PTPRE: variants seen among roughly 807,000 people sequenced by gnomAD.
The protein encoded by PTPRE is protein tyrosine phosphatase receptor type E, also known as receptor-type tyrosine-protein phosphatase epsilon.
PTPRE carries 51 observed loss-of-function variants against 102.0 expected under a neutral mutation model. The observed-to-expected ratio is 0.50, with a 90% CI of 0.40 to 0.63. The LOEUF is 0.63. Ranked by LOEUF, PTPRE falls within the 30% of genes least tolerant of loss-of-function variation. The pLI is 0.00. For missense variants in PTPRE, 752 were observed against 915.1 expected, an observed-to-expected ratio of 0.82 and a Z score of 2.30; for synonymous variants, 345 against 348.2, an observed-to-expected ratio of 0.99 and a Z score of 0.10.
At position 128,082,916 on chromosome 10, in the gene PTPRE, C is replaced by A. The variant is rs776780230; in HGVS notation, c.*10C>A. 2 of 1,536,524 alleles carry A rather than the reference C, an allele frequency of 1.3e-6. No homozygotes were observed. The highest frequency in any genetic ancestry group is 1.3e-5 in the South Asian group (1 of 76,456). Reference sequence around the variant, plus strand: ...TGCTAATTTCAAATGAAGATTCCTGCCTTAAAATATTTTTTAATTTAATGG... The same window carrying A: ...TGCTAATTTCAAATGAAGATTCCTGACTTAAAATATTTTTTAATTTAATGG... On this transcript the variant is annotated 3_prime_UTR_variant, in exon 21 of 21. Transcript: ENST00000254667.
In PTPRE at chr10:127,927,030, T is replaced by C. The variant is rs372397499; in HGVS notation, c.-31+19721T>C. Among the ~76,000 whole-genome samples, 62 of 152,036 alleles carry C rather than the reference T, an allele frequency of 4.1e-4. No individual in the cohort carries two copies. The South Asian group carries it at 9.6e-3, about 23-fold the overall frequency. ...TTTCACTGTGTTGGCCAGGCCAGTC[T>C]CGAACTCCTGACCTCATGATCTGCC... On this transcript the variant is annotated intron_variant, in intron 1 of 20. Transcript: ENST00000254667.
chr10:127,969,237 C>T (rs372873852), intron 1 of PTPRE, among the ~76,000 whole-genome samples: 52 of 152,262 alleles, frequency 3.4e-4, no homozygotes, highest in African/African-American at 9.6e-4. Flanking sequence ...ATGATAAGAA[C>T]GTAAATGGAA....
chr10:128,076,575 G>T (rs1800240495), intron 17 of PTPRE, 28 bp from the exon 18 acceptor site: 1 of 1,548,084 alleles, frequency 6.5e-7, no homozygotes, highest in African/African-American at 1.4e-5. Flanking sequence ...TTTATTACAA[G>T]ACTTAAATTT....
At chr10:128,039,152 G>T (rs1847463120) in intron 2 of PTPRE, among the ~76,000 whole-genome samples, 1 of 152,210 alleles carries the variant, frequency 6.6e-6, no homozygotes, top group South Asian at 2.1e-4. Context: ...TATATTAAAA[G>T]TATTGTGGCA....
intron 2 of PTPRE, among the ~76,000 whole-genome samples, chr10:127,986,088 C>G (rs1463383495): frequency 1.3e-5 from 2 of 152,072 alleles, no homozygotes; most frequent in Non-Finnish European, 2.9e-5. Flanking sequence ...AAGACTCTGT[C>G]TCAAAAATTA....
intron 1 of PTPRE, among the ~76,000 whole-genome samples, chr10:127,948,311 C>T (rs1848770836): frequency 6.6e-6 from 1 of 152,006 alleles, no homozygotes; most frequent in Admixed American, 6.6e-5. Flanking sequence ...TCCCATATGC[C>T]CCTTAACCCT....
intron 2 of PTPRE, among the ~76,000 whole-genome samples, chr10:128,029,989 A>C (rs1471250378): frequency 1.3e-5 from 2 of 152,228 alleles, no homozygotes; most frequent in East Asian, 3.9e-4. Flanking sequence ...TCACAGGAGG[A>C]TGAAAAACCT....
At chr10:128,044,037 A>G (rs1847910199) in intron 3 of PTPRE, among the ~76,000 whole-genome samples, 1 of 152,232 alleles carries the variant, frequency 6.6e-6, no homozygotes. Flanking sequence ...GAAGCTGTAG[A>G]TGAAACGAGA....
At chr10:128,061,123 T>C in intron 8 of PTPRE, 108 bp downstream of exon 8, 1 of 1,104,514 alleles carries the variant, frequency 9.1e-7, no homozygotes, top group Non-Finnish European at 1.3e-6. Flanking sequence ...TTCTGGGCAG[T>C]TTGGCCACAA....
chr10:128,042,339 T>A (rs1847772047), intron 3 of PTPRE, among the ~76,000 whole-genome samples: 2 of 152,178 alleles, frequency 1.3e-5, no homozygotes, highest in Non-Finnish European at 2.9e-5. Flanking sequence ...ACCGGCAGGA[T>A]GACGTCCACT....
At chr10:127,969,634 C>T (rs1465262268) in intron 1 of PTPRE, among the ~76,000 whole-genome samples, 1 of 147,610 alleles carries the variant, frequency 6.8e-6, no homozygotes, top group Non-Finnish European at 1.5e-5. Flanking sequence ...GGCCACTGCA[C>T]TCCACCCTGG....
At chr10:127,987,496 A>C in intron 2 of PTPRE, 1 of 500,722 alleles carries the variant, frequency 2.0e-6, no homozygotes, top group Non-Finnish European at 3.1e-6. Context: ...GCTAAAGAAT[A>C]TTACCAGGAA....
At chr10:128,071,096 A>T in intron 15 of PTPRE, 195 bp downstream of exon 15, 1 of 608,242 alleles carries the variant, frequency 1.6e-6, no homozygotes, top group Non-Finnish European at 2.9e-6. Flanking sequence ...GCACCAGCTG[A>T]CCCAGACAGT....
At chr10:128,080,395 G>A (rs1052400849) in intron 20 of PTPRE, among the ~76,000 whole-genome samples, 9 of 152,236 alleles carry the variant, frequency 5.9e-5, no homozygotes, top group Non-Finnish European at 1.2e-4. Context: ...CTCACGCAGC[G>A]CCCTGTGCAT....
intron 3 of PTPRE, among the ~76,000 whole-genome samples, chr10:128,046,065 G>T (rs1848065103): frequency 6.6e-6 from 1 of 152,202 alleles, no homozygotes; most frequent in Non-Finnish European, 1.5e-5. Context: ...AACATCTAAT[G>T]GTCACCCACG....
intron 12 of PTPRE, 108 bp downstream of exon 12, chr10:128,068,394 G>C (rs1850470100): frequency 7.6e-7 from 1 of 1,311,316 alleles, no homozygotes; most frequent in Non-Finnish European, 1.0e-6. Context: ...GCAGAGGTTT[G>C]GGCAGGGCTG....
At chr10:127,928,482 T>C (rs562776816) in intron 1 of PTPRE, among the ~76,000 whole-genome samples, 55 of 152,380 alleles carry the variant, frequency 3.6e-4, no homozygotes, top group African/African-American at 1.3e-3. Flanking sequence ...GTTGAATTGA[T>C]GTATCCTTCC....
rs534530333 is a variant in PTPRE, at chr10:127,922,900, G to A, written c.-31+15591G>A. Reference sequence around the variant, plus strand: ...CCTCAGCTTCATCTCTTAGGACCTCGTCTTCCAGAACCCCAGACCCAGCCA... The same window carrying A: ...CCTCAGCTTCATCTCTTAGGACCTCATCTTCCAGAACCCCAGACCCAGCCA... On this transcript the variant is annotated intron_variant, in intron 1 of 20. Transcript: ENST00000254667. Among the ~76,000 whole-genome samples the A allele has an allele frequency of 3.3e-5, 5 of 152,196 alleles. No homozygotes were observed. The South Asian group carries it at 8.3e-4, about 25-fold the overall frequency.
At chr10:127,974,979 A>T (rs1395037338) in intron 1 of PTPRE, among the ~76,000 whole-genome samples, 1 of 152,186 alleles carries the variant, frequency 6.6e-6, no homozygotes, top group Non-Finnish European at 1.5e-5. Context: ...AGACGTGAAG[A>T]CACATAAAGA....
Sources: allele counts gnomAD v4.1 joint callset (sites outside exome capture counted in the v4.1 genomes callset), GRCh38; gene constraint gnomAD v4.1.1; transcripts MANE v1.5; gene names NCBI Gene and HGNC (gene_info 2026-07-23, HGNC 2026-07-21).